The following ASCC1 variants were observed in gnomAD, a reference collection of about 807,000 sequenced individuals.
ASCC1 encodes the protein ASC-1 complex subunit P50.
ASCC1 carries 35 observed loss-of-function variants against 46.6 expected under a neutral mutation model. That is an observed-to-expected ratio of 0.75 (90% CI 0.57 to 0.99). The LOEUF (loss-of-function observed/expected upper bound fraction) is 0.99. ASCC1 is among the 50% of genes least tolerant of loss of function. The probability of loss-of-function intolerance (pLI) is 0.00; values close to 1 mark genes in which losing one functional copy is unlikely to be tolerated. For missense variants in ASCC1, 376 were observed against 428.7 expected, an observed-to-expected ratio of 0.88 and a Z score of 1.09; for synonymous variants, 143 against 146.6, an observed-to-expected ratio of 0.98 and a Z score of 0.18.
At chr10:72,162,924 C>A (rs571430982) in intron 5 of ASCC1, among the ~76,000 whole-genome samples, 1 of 141,730 alleles carries the variant, frequency 7.1e-6, no homozygotes, top group African/African-American at 3.1e-5. Context: ...GCCTGGGTGA[C>A]AAAGTGAGAC....
intron 5 of ASCC1, among the ~76,000 whole-genome samples, chr10:72,187,057 T>C (rs11000209): frequency 0.14 from 21,442 of 151,876 alleles, 4,316 homozygotes; most frequent in African/African-American, 0.45. Context: ...CTAGTTTGCA[T>C]TTACCAGTTA....
At chr10:72,124,958 G>A (rs1844679526) in intron 9 of ASCC1, among the ~76,000 whole-genome samples, 1 of 151,938 alleles carries the variant, frequency 6.6e-6, no homozygotes, top group Non-Finnish European at 1.5e-5. Context: ...TCTTTCTTAG[G>A]GCAAGACTTT....
chr10:72,203,580 C>A (rs966045155), intron 3 of ASCC1, 56 bp from the exon 4 acceptor site: 34 of 1,241,200 alleles, frequency 2.7e-5, no homozygotes, highest in Non-Finnish European at 4.0e-5. Flanking sequence ...AAATAAAGAA[C>A]CTCATTATGT....
intron 9 of ASCC1, among the ~76,000 whole-genome samples, chr10:72,115,463 G>C (rs1441518906): frequency 6.6e-6 from 1 of 152,172 alleles, no homozygotes; most frequent in Non-Finnish European, 1.5e-5. Flanking sequence ...GGAGACTGTA[G>C]TAAAAGAAAA....
chr10:72,196,888 C>G lies in ASCC1; in HGVS notation c.412G>C (p.Ala138Pro). The G allele has an allele frequency of 2.5e-6, 4 of 1,613,516 alleles. No individual in the cohort carries two copies. The highest frequency in any genetic ancestry group is 3.4e-6 in the Non-Finnish European group (4 of 1,179,996). Reference protein sequence around the residue: ...RRKQPFTHFLAFFLNEVEVQE... With the variant: ...RRKQPFTHFLPFFLNEVEVQE... ...ACCTCAACTTCATTGAGGAAAAAGG[C>G]AAGGAAGTGAGTGAAGGGCTGCTTT... The change falls in exon 5 of 10, where the codon GCC becomes CCC. Residue 138 changes from alanine to proline, a missense_variant. Ala to Pro is a conservative substitution (Grantham distance 27). Transcript: ENST00000672957.
intron 9 of ASCC1, among the ~76,000 whole-genome samples, chr10:72,109,745 G>A (rs903654150): frequency 6.6e-6 from 1 of 152,154 alleles, no homozygotes; most frequent in Non-Finnish European, 1.5e-5. Flanking sequence ...AAAATGCCAA[G>A]GGATTTCCCC....
chr10:72,190,481 C>T, intron 5 of ASCC1: 1 of 1,598,966 alleles, frequency 6.3e-7, no homozygotes, highest in Admixed American at 1.7e-5. Flanking sequence ...GAGCCGTGGC[C>T]TTGGAAAGGG....
At chr10:72,203,056 A>G (rs1210858620) in intron 4 of ASCC1, among the ~76,000 whole-genome samples, 16 of 152,116 alleles carry the variant, frequency 1.1e-4, no homozygotes. Context: ...GGAGGCCGAG[A>G]GGGGAGGATC....
intron 5 of ASCC1, among the ~76,000 whole-genome samples, chr10:72,181,830 C>T (rs1052269465): frequency 1.3e-5 from 2 of 151,972 alleles, no homozygotes; most frequent in Admixed American, 6.6e-5. Context: ...GGATTATAAA[C>T]GTGTGCCACC....
intron 5 of ASCC1, among the ~76,000 whole-genome samples, chr10:72,195,135 CTG>C (rs1482325718): frequency 3.0e-5 from 3 of 101,406 alleles, no homozygotes; most frequent in Non-Finnish European, 6.1e-5. Context: ...GTGTTTTTTG[CTG>C]TGTTTTTTTT....
chr10:72,211,102 C>A (rs112670675), intron 2 of ASCC1, among the ~76,000 whole-genome samples: 6 of 152,154 alleles, frequency 3.9e-5, no homozygotes, highest in Non-Finnish European at 1.5e-5. Context: ...TAGTTCCCCC[C>A]ATCTGTGGTT....
intron 5 of ASCC1, among the ~76,000 whole-genome samples, chr10:72,192,980 A>G (rs776975696): frequency 3.9e-5 from 6 of 152,246 alleles, no homozygotes; most frequent in African/African-American, 1.4e-4. Context: ...AATAGTGATA[A>G]TATCAAATGC....
chr10:72,205,277 C>T (rs1310769484), intron 3 of ASCC1, among the ~76,000 whole-genome samples: 1 of 152,082 alleles, frequency 6.6e-6, no homozygotes, highest in Non-Finnish European at 1.5e-5. Context: ...CAAGACCAGC[C>T]TGGCCAACAT....
At chr10:72,207,797 CAAGA>C in intron 3 of ASCC1, among the ~76,000 whole-genome samples, 1 of 146,996 alleles carries the variant, frequency 6.8e-6, no homozygotes, top group South Asian at 2.2e-4. Flanking sequence ...AAATTATTCC[CAAGA>C]AAGAAATCTT....
intron 4 of ASCC1, among the ~76,000 whole-genome samples, chr10:72,198,886 G>A (rs577777274): frequency 6.6e-6 from 1 of 152,048 alleles, no homozygotes; most frequent in South Asian, 2.1e-4. Flanking sequence ...GTACAATCTC[G>A]GCTCACTGCA....
chr10:72,143,366 T>TTTG (rs1268465086), intron 7 of ASCC1, among the ~76,000 whole-genome samples: 35 of 151,732 alleles, frequency 2.3e-4, no homozygotes, highest in South Asian at 4.2e-4. Flanking sequence ...AAACTCCCTT[T>TTTG]TTGTTGTTGT....
In ASCC1 at chr10:72,115,892, A is replaced by G. The variant is rs561510345; in HGVS notation, c.957+12190T>C. Among the ~76,000 whole-genome samples, 8 of 152,364 alleles carry G rather than the reference A, an allele frequency of 5.3e-5. No individual in the cohort carries two copies. In the South Asian group the frequency reaches 1.2e-3, roughly 24 times the overall value. On this transcript the variant is annotated intron_variant, in intron 9 of 9. Coordinates refer to ENST00000672957, the MANE Select transcript of ASCC1 (RefSeq NM_001198800.3). ...AGCTACTTTCTTAGTAAATTGCTCT[A>G]ATATGAAACACTCTAATAAGAAAGT...
chr10:72,150,262 C>A (rs1001701089), intron 7 of ASCC1, among the ~76,000 whole-genome samples: 4 of 151,822 alleles, frequency 2.6e-5, no homozygotes, highest in Non-Finnish European at 4.4e-5. Flanking sequence ...TTTTTCCTCC[C>A]TTCTCCCCAA....
chr10:72,160,810 T>G (rs1292795867), intron 6 of ASCC1, among the ~76,000 whole-genome samples: 23 of 145,636 alleles, frequency 1.6e-4, no homozygotes, highest in South Asian at 8.6e-4. Context: ...GAGGCCGGGC[T>G]TGGTTGCTCA....
Sources: allele counts gnomAD v4.1 joint callset (sites outside exome capture counted in the v4.1 genomes callset), GRCh38; gene constraint gnomAD v4.1.1; transcripts MANE v1.5; gene names NCBI Gene and HGNC (gene_info 2026-07-23, HGNC 2026-07-21).